The following KATNA1 variants were observed in gnomAD, a reference collection of about 807,000 sequenced individuals.
The protein encoded by KATNA1 is katanin p60 ATPase-containing subunit A1.
KATNA1 carries 42 observed loss-of-function variants against 62.6 expected under a neutral mutation model. The ratio of observed to expected loss-of-function variants is 0.67; its 90% CI spans 0.52 to 0.87. The LOEUF (loss-of-function observed/expected upper bound fraction) is 0.87, where lower values mean the gene tolerates loss of function less well. KATNA1 is among the 40% of genes least tolerant of loss of function. The pLI is 0.00. For synonymous variants in KATNA1, 186 were observed against 201.9 expected, an observed-to-expected ratio of 0.92 and a Z score of 0.67; for missense variants, 498 against 612.5, an observed-to-expected ratio of 0.81 and a Z score of 1.97.
At chr6:149,600,498 T>C (rs1476856994) in intron 7 of KATNA1, among the ~76,000 whole-genome samples, 1 of 151,886 alleles carries the variant, frequency 6.6e-6, no homozygotes, top group African/African-American at 2.4e-5. Context: ...CCAGGCATGG[T>C]AGTGCACTTG....
chr6:149,619,937 GAATA>G (rs1779327546), intron 4 of KATNA1, among the ~76,000 whole-genome samples: 1 of 149,318 alleles, frequency 6.7e-6, no homozygotes, highest in Non-Finnish European at 1.5e-5. Context: ...ACAGATGAAT[GAATA>G]AAGAAACTGT....
chr6:149,648,392 T>G (rs1235238414), intron 1 of KATNA1, 77 bp downstream of exon 1: 3 of 152,420 alleles, frequency 2.0e-5, no homozygotes, highest in African/African-American at 7.2e-5. Flanking sequence ...GTTCTCGCTG[T>G]GGGCCCCCCG....
At chr6:149,624,026 C>CAG (rs1180327384) in intron 3 of KATNA1, among the ~76,000 whole-genome samples, 2 of 152,192 alleles carry the variant, frequency 1.3e-5, no homozygotes, top group African/African-American at 4.8e-5. Context: ...TTAGAATATA[C>CAG]AGATTGAGTA....
intron 8 of KATNA1, 67 bp from the exon 9 acceptor site, chr6:149,597,708 A>AT: frequency 6.8e-7 from 1 of 1,460,270 alleles, no homozygotes; most frequent in Non-Finnish European, 9.5e-7. Context: ...AAGCTCAGCT[A>AT]TTTAAAGATC....
intron 3 of KATNA1, 128 bp from the exon 4 acceptor site, chr6:149,623,411 TAAAC>T: frequency 1.7e-6 from 1 of 601,364 alleles, no homozygotes; most frequent in East Asian, 3.1e-5. Flanking sequence ...CACGACTGAA[TAAAC>T]TTCAGGATGT....
intron 3 of KATNA1, among the ~76,000 whole-genome samples, chr6:149,632,220 C>T (rs919659314): frequency 6.6e-6 from 1 of 151,844 alleles, no homozygotes; most frequent in African/African-American, 2.4e-5. Flanking sequence ...GGTGAAACCC[C>T]GTCTCTACTA....
At position 149,598,309 on chromosome 6, in the gene KATNA1, T is replaced by C; in HGVS notation, c.930A>G (p.Ile310Met). 6.2e-7 allele frequency: 1 copy of C among 1,613,830 alleles called. No homozygotes were observed. Among genetic ancestry groups the C allele is most frequent in the Middle Eastern group, 1.6e-4 (1 of 6,062 alleles). Residue 310 changes from isoleucine (I) to methionine (M), a missense_variant, in exon 8 of 11, where the codon ATA becomes ATG. Coordinates refer to ENST00000367411, the MANE Select transcript of KATNA1 (RefSeq NM_007044.4). ...TCCCTCGGCGACTACAGATGGAGTC[T>C]ATCTCATCAATAAATATGGTGGCTG... ...YSPATIFIDE[I>M]DSICSRRGTS...
chr6:149,645,422 G>A (rs921945000), intron 1 of KATNA1, among the ~76,000 whole-genome samples: 28 of 141,902 alleles, frequency 2.0e-4, no homozygotes, highest in East Asian at 1.4e-3. Context: ...CAGCCTGGGC[G>A]ACAGAGCAAG....
At position 149,635,445 on chromosome 6, in the gene KATNA1, T is replaced by C. The variant is rs1368932395; in HGVS notation, c.163-2529A>G. ...CCAAGGCCAAGTGCAGTGGCTCACG[T>C]CTGTAATCTCAGTACTTTGGGAGGC... On this transcript the variant is annotated intron_variant, in intron 2 of 10. Coordinates refer to ENST00000367411, the MANE Select transcript of KATNA1 (RefSeq NM_007044.4). 6.6e-5 allele frequency among the ~76,000 whole-genome samples: 10 copies of C among 152,286 alleles called. No homozygotes were observed. In the East Asian group the frequency reaches 1.9e-3, roughly 29 times the overall value.
intron 7 of KATNA1, among the ~76,000 whole-genome samples, chr6:149,600,757 A>G (rs550169774): frequency 9.5e-5 from 14 of 147,222 alleles, no homozygotes; most frequent in Middle Eastern, 3.4e-3. Flanking sequence ...GCAACACAGC[A>G]AGACCCCATC....
intron 4 of KATNA1, 31 bp downstream of exon 4, chr6:149,623,072 C>T: frequency 6.8e-7 from 1 of 1,465,728 alleles, no homozygotes; most frequent in South Asian, 1.3e-5. Flanking sequence ...TCAAAAATAA[C>T]TTTCATTTAT....
At chr6:149,611,140 A>G (rs1460014661) in intron 4 of KATNA1, among the ~76,000 whole-genome samples, 2 of 152,206 alleles carry the variant, frequency 1.3e-5, no homozygotes, top group East Asian at 3.8e-4. Flanking sequence ...GAATGTAGAA[A>G]AGAACAAAAT....
intron 1 of KATNA1, among the ~76,000 whole-genome samples, chr6:149,643,398 A>G (rs1780362215): frequency 6.6e-6 from 1 of 152,234 alleles, no homozygotes; most frequent in Admixed American, 6.5e-5. Context: ...GTTTTAAGTC[A>G]CCAAGTTTTG....
At chr6:149,630,499 C>T (rs1013680996) in intron 3 of KATNA1, among the ~76,000 whole-genome samples, 6 of 151,992 alleles carry the variant, frequency 3.9e-5, no homozygotes, top group Admixed American at 3.3e-4. Context: ...CGTGGTGGCA[C>T]GTGCCTGTAA....
At chr6:149,609,810 A>AAAAAAAAAAAAAAAAAG (rs1778878312) in intron 4 of KATNA1, among the ~76,000 whole-genome samples, 1 of 145,156 alleles carries the variant, frequency 6.9e-6, no homozygotes, top group African/African-American at 2.6e-5. Flanking sequence ...CTCAAAAAAA[A>AAAAAAAAAAAAAAAAAG]AAAAAATAGG....
At chr6:149,632,346 G>A (rs893194622) in intron 3 of KATNA1, among the ~76,000 whole-genome samples, 39 of 148,540 alleles carry the variant, frequency 2.6e-4, no homozygotes, top group Non-Finnish European at 8.9e-5. Context: ...CTGCACTCCA[G>A]CCTCGTGACA....
rs569140683 is a variant in KATNA1 at position 149,612,800 on chromosome 6, A to G, written c.502-8018T>C. ...ATTCCAGGGACATAAGACTAGTTCA[A>G]TGTTCAAAAATTAATCAATATAATC... On this transcript the variant is annotated intron_variant, in intron 4 of 10. Coordinates refer to ENST00000367411, the MANE Select transcript of KATNA1 (RefSeq NM_007044.4). Among the ~76,000 whole-genome samples the G allele has an allele frequency of 3.9e-5, 6 of 152,288 alleles. No individual in the cohort carries two copies. In the South Asian group the frequency reaches 1.0e-3, roughly 26 times the overall value.
rs150881277 is a variant in KATNA1 at position 149,621,682 on chromosome 6, A to C, written c.501+1421T>G. Among the ~76,000 whole-genome samples, 886 of 151,672 alleles carry C rather than the reference A, an allele frequency of 5.8e-3. 9 individuals are homozygous for C. Among genetic ancestry groups the C allele is most frequent in the African/African-American group, 0.021 (848 of 41,340 alleles). Reference sequence around the variant, plus strand: ...TAATTTTTGTATTTTTAGTAGAGACAGGGTTTCACCATGTTGGCCAGGCTA... The same window carrying C: ...TAATTTTTGTATTTTTAGTAGAGACCGGGTTTCACCATGTTGGCCAGGCTA... On this transcript the variant is annotated intron_variant, in intron 4 of 10. Coordinates refer to ENST00000367411, the MANE Select transcript of KATNA1 (RefSeq NM_007044.4).
At chr6:149,646,081 G>GT (rs981506359) in intron 1 of KATNA1, among the ~76,000 whole-genome samples, 127 of 151,942 alleles carry the variant, frequency 8.4e-4, no homozygotes, top group African/African-American at 2.9e-3. Context: ...CTTATTTGCA[G>GT]TTTTTTTTAA....
Sources: gnomAD v4.1 joint callset for allele counts (sites outside exome capture counted in the v4.1 genomes callset) on GRCh38, gnomAD v4.1.1 for gene constraint, MANE v1.5 for transcripts, NCBI Gene and HGNC (gene_info 2026-07-23, HGNC 2026-07-21) for gene names.